Variants in KIAA1328 observed in about 807,000 individuals in gnomAD.
The protein encoded by KIAA1328 is protein hinderin.
KIAA1328 carries 52 observed loss-of-function variants against 68.1 expected under a neutral mutation model. The observed-to-expected ratio is 0.76, with a 90% confidence interval of 0.61 to 0.96. KIAA1328 has a LOEUF of 0.96. Ranked by LOEUF, KIAA1328 falls within the 40% of genes least tolerant of loss-of-function variation. The pLI is 0.00. For synonymous variants in KIAA1328, 232 were observed against 239.4 expected (o/e 0.97, Z 0.28); for missense variants, 641 against 677.6 (o/e 0.95, Z 0.60).
In KIAA1328 at chr18:36,855,034, A is replaced by G. The variant is rs144986449; in HGVS notation, c.332+10732A>G. Among the ~76,000 whole-genome samples, 34 of 152,240 alleles carry G rather than the reference A, an allele frequency of 2.2e-4. No individual in the cohort carries two copies. In the East Asian group the frequency reaches 6.2e-3, roughly 28 times the overall value. ...GATTCTATTGTAAAGTTTTACCACAATTTATTGATTTATTCATCTGTTAAT... is the reference window on the plus strand; with the variant it reads ...GATTCTATTGTAAAGTTTTACCACAGTTTATTGATTTATTCATCTGTTAAT... On this transcript the variant is annotated intron_variant, in intron 4 of 9. Coordinates refer to ENST00000280020, the MANE Select transcript of KIAA1328 (RefSeq NM_020776.3).
chr18:36,879,671 G>A (rs1367056498), intron 4 of KIAA1328, among the ~76,000 whole-genome samples: 1 of 152,224 alleles, frequency 6.6e-6, no homozygotes, highest in Non-Finnish European at 1.5e-5. Flanking sequence ...GGAGATGGGA[G>A]TTTTATCTAT....
chr18:37,020,033 G>T (rs1180297442), intron 6 of KIAA1328, among the ~76,000 whole-genome samples: 1 of 152,036 alleles, frequency 6.6e-6, no homozygotes, highest in Non-Finnish European at 1.5e-5. Flanking sequence ...GCACGGAGCA[G>T]AGGGCCCTTT....
At chr18:37,170,112 A>G (rs1413118012) in intron 8 of KIAA1328, among the ~76,000 whole-genome samples, 1 of 152,182 alleles carries the variant, frequency 6.6e-6, no homozygotes, top group East Asian at 1.9e-4. Flanking sequence ...TTAGTAGTGA[A>G]CTGCTTTGCC....
chr18:37,125,985 G>A (rs2058380359), intron 7 of KIAA1328, among the ~76,000 whole-genome samples: 1 of 152,064 alleles, frequency 6.6e-6, no homozygotes. Flanking sequence ...GTGAATGTGT[G>A]CAAAAAATGA....
intron 6 of KIAA1328, among the ~76,000 whole-genome samples, chr18:37,024,552 G>A (rs182824722): frequency 2.2e-3 from 272 of 124,818 alleles, no homozygotes; most frequent in African/African-American, 8.3e-3. Context: ...AACCAGCCCC[G>A]GTGTGTGATG....
intron 7 of KIAA1328, among the ~76,000 whole-genome samples, chr18:37,150,139 A>C (rs988640998): frequency 6.6e-6 from 1 of 152,218 alleles, no homozygotes; most frequent in Non-Finnish European, 1.5e-5. Context: ...GTAAAACTAC[A>C]CACCCATCAA....
chr18:36,977,649 A>G (rs1193407735), intron 6 of KIAA1328, among the ~76,000 whole-genome samples: 1 of 152,160 alleles, frequency 6.6e-6, no homozygotes, highest in African/African-American at 2.4e-5. Flanking sequence ...TTTTAAAACA[A>G]GGGACCACAT....
At chr18:36,843,248 CT>C (rs1404683422) in intron 3 of KIAA1328, among the ~76,000 whole-genome samples, 1 of 152,110 alleles carries the variant, frequency 6.6e-6, no homozygotes, top group African/African-American at 2.4e-5. Context: ...AAAACCAAAG[CT>C]TATTTTATTA....
At chr18:36,917,225 T>C (rs1457117981) in intron 5 of KIAA1328, among the ~76,000 whole-genome samples, 1 of 152,142 alleles carries the variant, frequency 6.6e-6, no homozygotes, top group Admixed American at 6.5e-5. Context: ...AGACAGTTTA[T>C]ATTCTGTTGT....
intron 9 of KIAA1328, among the ~76,000 whole-genome samples, chr18:37,208,167 T>C (rs867337157): frequency 2.6e-5 from 4 of 152,198 alleles, no homozygotes; most frequent in South Asian, 2.1e-4. Context: ...GATAAAACTT[T>C]CTTTTCTTTT....
chr18:37,175,043 T>C (rs561465250), intron 9 of KIAA1328, among the ~76,000 whole-genome samples: 107 of 152,338 alleles, frequency 7.0e-4, no homozygotes, highest in African/African-American at 2.5e-3. Context: ...GTTTCTGAAA[T>C]GTTGATGGAG....
At chr18:36,831,980 AACT>A (rs1298595428) in intron 1 of KIAA1328, among the ~76,000 whole-genome samples, 2 of 152,236 alleles carry the variant, frequency 1.3e-5, no homozygotes, top group Non-Finnish European at 2.9e-5. Context: ...TGTACAATTT[AACT>A]ACTATTTATA....
At chr18:36,911,870 G>C (rs1443712236) in intron 5 of KIAA1328, among the ~76,000 whole-genome samples, 1 of 152,114 alleles carries the variant, frequency 6.6e-6, no homozygotes, top group African/African-American at 2.4e-5. Flanking sequence ...GGCATAAGCA[G>C]TCAGAAAGAG....
At chr18:37,095,452 AG>A (rs1229539466) in intron 7 of KIAA1328, among the ~76,000 whole-genome samples, 1 of 152,204 alleles carries the variant, frequency 6.6e-6, no homozygotes, top group Non-Finnish European at 1.5e-5. Context: ...ACATATGTAC[AG>A]AAATTAAACA....
At chr18:37,041,425 A>G (rs2055241020) in intron 6 of KIAA1328, among the ~76,000 whole-genome samples, 1 of 151,900 alleles carries the variant, frequency 6.6e-6, no homozygotes, top group Non-Finnish European at 1.5e-5. Flanking sequence ...AGTTATTTAT[A>G]TATGAATCTG....
chr18:36,968,002 A>C (rs1429852110), intron 6 of KIAA1328, among the ~76,000 whole-genome samples: 1 of 152,202 alleles, frequency 6.6e-6, no homozygotes, highest in Non-Finnish European at 1.5e-5. Context: ...CTTGGAAAAC[A>C]TATTTGGAAA....
intron 7 of KIAA1328, among the ~76,000 whole-genome samples, chr18:37,081,162 A>G (rs897908852): frequency 6.6e-6 from 1 of 152,010 alleles, no homozygotes; most frequent in Admixed American, 6.6e-5. Flanking sequence ...TTGTATTTTT[A>G]GTAGAGACAG....
intron 9 of KIAA1328, among the ~76,000 whole-genome samples, chr18:37,200,984 G>A (rs1003823227): frequency 2.6e-5 from 4 of 152,070 alleles, no homozygotes; most frequent in African/African-American, 9.7e-5. Context: ...ATAGCCAGGA[G>A]GGTTCATTTC....
chr18:37,169,231 T>A (rs1239962384), intron 8 of KIAA1328, among the ~76,000 whole-genome samples: 1 of 151,686 alleles, frequency 6.6e-6, no homozygotes, highest in Non-Finnish European at 1.5e-5. Context: ...AGTGGCACGA[T>A]CTCGGCTCAC....
Sources: allele counts gnomAD v4.1 joint callset (sites outside exome capture counted in the v4.1 genomes callset), GRCh38; gene constraint gnomAD v4.1.1; transcripts MANE v1.5; gene names NCBI Gene and HGNC (gene_info 2026-07-23, HGNC 2026-07-21).